The following PLPPR4 variants were observed in gnomAD, a reference collection of about 807,000 sequenced individuals.
PLPPR4 encodes the protein phospholipid phosphatase related 4.
Under a neutral mutation model 56.6 loss-of-function variants are expected in PLPPR4, and 24 were observed. The observed-to-expected ratio is 0.42, with a 90% CI of 0.31 to 0.60. The LOEUF is 0.60. Among genes scored for constraint, PLPPR4 ranks in the 20% least tolerant of loss-of-function variants. PLPPR4 has a pLI of 0.13. For synonymous variants in PLPPR4, 326 were observed against 328.1 expected, an observed-to-expected ratio of 0.99 and a Z score of 0.07; for missense variants, 654 against 885.8, an observed-to-expected ratio of 0.74 and a Z score of 3.32.
chr1:99,303,429 A>G (rs1659937100), intron 6 of PLPPR4, among the ~76,000 whole-genome samples: 1 of 152,164 alleles, frequency 6.6e-6, no homozygotes, highest in South Asian at 2.1e-4. Context: ...AGCAATCAGT[A>G]TTGGAGAAGG....
intron 1 of PLPPR4, among the ~76,000 whole-genome samples, chr1:99,284,760 ATTACT>A (rs1476603628): frequency 3.3e-5 from 5 of 152,252 alleles, no homozygotes; most frequent in Admixed American, 2.0e-4. Flanking sequence ...TTAATGACAA[ATTACT>A]TTAATTCATA....
intron 2 of PLPPR4, among the ~76,000 whole-genome samples, chr1:99,291,169 A>G (rs1427744269): frequency 6.6e-6 from 1 of 152,210 alleles, no homozygotes; most frequent in Non-Finnish European, 1.5e-5. Context: ...ACATGCAGCC[A>G]ACTAGCATAT....
chr1:99,265,214 G>A (rs930180363), intron 1 of PLPPR4, among the ~76,000 whole-genome samples: 1 of 147,054 alleles, frequency 6.8e-6, no homozygotes, highest in Non-Finnish European at 1.5e-5. Context: ...AATTGGATCT[G>A]CATCTCTAAA....
At chr1:99,298,415 G>GA (rs1440536276) in intron 3 of PLPPR4, among the ~76,000 whole-genome samples, 12 of 152,170 alleles carry the variant, frequency 7.9e-5, no homozygotes, top group African/African-American at 2.6e-4. Flanking sequence ...AGGAGAAACA[G>GA]AAAAAATAAT....
chr1:99,298,677 C>A (rs61240929), intron 3 of PLPPR4, among the ~76,000 whole-genome samples: 8,449 of 152,142 alleles, frequency 0.056, 758 homozygotes, highest in African/African-American at 0.19. Context: ...AAACGCTAAG[C>A]AAATTAAAAC....
In PLPPR4 at chr1:99,306,683, C is replaced by G. The variant is rs1660039426; in HGVS notation, c.1821C>G (p.Gly607=). The change falls in exon 7 of 7, where the codon GGC becomes GGG. Residue 607 remains glycine, a synonymous_variant. Transcript: ENST00000370185. This position sits in a 1 kb window ranked among gnomAD's most constrained non-coding sequence, Gnocchi z 4.0. Reference sequence around the variant, plus strand: ...GGAAGTGGAAAGCCCCTGAAAAGGGCAGCCTTCGCCAAACTTACGAGCTCA... The same window carrying G: ...GGAAGTGGAAAGCCCCTGAAAAGGGGAGCCTTCGCCAAACTTACGAGCTCA... ...GSWKWKAPEK[G]SLRQTYELND... is the part of the protein sequence containing the mutation. 1 of 1,613,956 alleles carries G rather than the reference C, an allele frequency of 6.2e-7. No individual in the cohort carries two copies.
At chr1:99,291,573 C>A (rs184929298) in intron 2 of PLPPR4, among the ~76,000 whole-genome samples, 9 of 152,318 alleles carry the variant, frequency 5.9e-5, no homozygotes, top group Non-Finnish European at 1.3e-4. Context: ...GGTACATATA[C>A]ACCATGGAAT....
At chr1:99,278,452 C>T (rs1260368387) in intron 1 of PLPPR4, among the ~76,000 whole-genome samples, 1 of 151,974 alleles carries the variant, frequency 6.6e-6, no homozygotes, top group Non-Finnish European at 1.5e-5. Context: ...ACTATTATTA[C>T]CCAAATTTTT....
intron 6 of PLPPR4, among the ~76,000 whole-genome samples, chr1:99,305,137 C>T (rs1012842089): frequency 6.6e-6 from 1 of 152,106 alleles, no homozygotes; most frequent in Non-Finnish European, 1.5e-5. Context: ...ACACCCTGTA[C>T]AATGCTGAAC....
intron 2 of PLPPR4, among the ~76,000 whole-genome samples, chr1:99,291,752 G>T (rs1021038420): frequency 6.6e-5 from 10 of 152,064 alleles, no homozygotes; most frequent in Non-Finnish European, 1.3e-4. Flanking sequence ...AGAGGGGAAA[G>T]ACACATACTG....
intron 6 of PLPPR4, among the ~76,000 whole-genome samples, chr1:99,302,470 T>G (rs1659904343): frequency 6.6e-6 from 1 of 151,780 alleles, no homozygotes; most frequent in African/African-American, 2.4e-5. Flanking sequence ...GGGATTATAC[T>G]GAACATTGTA....
chr1:99,301,327 C>G (rs928708144), intron 5 of PLPPR4, among the ~76,000 whole-genome samples: 2 of 151,660 alleles, frequency 1.3e-5, no homozygotes, highest in African/African-American at 4.8e-5. Flanking sequence ...ACGTACGCTA[C>G]TTTAGTATTT....
At chr1:99,266,643 G>A (rs1245249242) in intron 1 of PLPPR4, among the ~76,000 whole-genome samples, 2 of 152,164 alleles carry the variant, frequency 1.3e-5, no homozygotes, top group South Asian at 2.1e-4. Context: ...GCAAGCTGTA[G>A]AACAATTACT....
In PLPPR4 at chr1:99,305,751, A is replaced by C. The variant is rs766921691; in HGVS notation, c.889A>C (p.Arg297=). Residue 297 remains arginine (R), a synonymous_variant, in exon 7 of 7, where the codon AGG becomes CGG. Coordinates refer to ENST00000370185, the MANE Select transcript of PLPPR4 (RefSeq NM_014839.5). ...TATGTTTCAGCACAGAGACGCCCTC[A>C]GGTCTCTGACAGACCTCAATCAAGA... ...ESMFQHRDAL[R]SLTDLNQDPN... is the part of the protein sequence containing the mutation. 6.2e-7 allele frequency: 1 copy of C among 1,613,756 alleles called. No homozygotes were observed. The highest frequency in any genetic ancestry group is 1.7e-5 in the Admixed American group (1 of 59,990).
intron 2 of PLPPR4, among the ~76,000 whole-genome samples, chr1:99,291,188 AG>A (rs373390417): frequency 6.6e-6 from 1 of 152,336 alleles, no homozygotes; most frequent in African/African-American, 2.4e-5. Context: ...ATGATAAAAA[AG>A]CTCAACATCA....
intron 3 of PLPPR4, among the ~76,000 whole-genome samples, chr1:99,297,314 A>G (rs1044244987): frequency 2.0e-5 from 3 of 152,122 alleles, no homozygotes; most frequent in Admixed American, 6.6e-5. Context: ...AAATGTCACT[A>G]TTGAGTACTG....
intron 2 of PLPPR4, among the ~76,000 whole-genome samples, chr1:99,294,421 C>A (rs1236484679): frequency 6.8e-6 from 1 of 146,148 alleles, no homozygotes; most frequent in Admixed American, 7.0e-5. Flanking sequence ...CTTGGCCGGG[C>A]GCGATGGCTC....
chr1:99,277,312 C>CCAT (rs1202958041), intron 1 of PLPPR4, among the ~76,000 whole-genome samples: 1 of 152,186 alleles, frequency 6.6e-6, no homozygotes, highest in East Asian at 1.9e-4. Flanking sequence ...CTACTCTTGT[C>CCAT]TGCAGCCAAT....
In PLPPR4 at chr1:99,306,656, C is replaced by A; in HGVS notation, c.1794C>A (p.Ser598=). ...IPSTEGEGSG[S]WKWKAPEKGS... ...CCACTGAAGGTGAAGGCAGTGGCTC[C>A]TGGAAGTGGAAAGCCCCTGAAAAGG... The change falls in exon 7 of 7, where the codon TCC becomes TCA. Residue 598 remains serine, a synonymous_variant. Coordinates refer to ENST00000370185, the MANE Select transcript of PLPPR4 (RefSeq NM_014839.5). The surrounding 1 kb of genome is among the most constrained non-coding windows in gnomAD (Gnocchi z 4.0). 3 of 1,614,124 alleles carry A rather than the reference C, an allele frequency of 1.9e-6. No homozygotes were observed. The highest frequency in any genetic ancestry group is 2.5e-6 in the Non-Finnish European group (3 of 1,180,026).
Sources: gnomAD v4.1 joint callset for allele counts (sites outside exome capture counted in the v4.1 genomes callset) on GRCh38, gnomAD v4.1.1 for gene constraint, Gnocchi (gnomAD v3.1) non-coding constraint, MANE v1.5 for transcripts, NCBI Gene and HGNC (gene_info 2026-07-23, HGNC 2026-07-21) for gene names.